The following PTGR2 variants were observed in gnomAD, a reference collection of about 807,000 sequenced individuals.
PTGR2 encodes prostaglandin reductase 2, also known as 15-oxoprostaglandin 13-reductase.
PTGR2 carries 32 observed loss-of-function variants against 43.4 expected under a neutral mutation model. The observed-to-expected ratio is 0.74, with a 90% CI of 0.56 to 0.99. The LOEUF (loss-of-function observed/expected upper bound fraction) is 0.99. Among genes scored for constraint, PTGR2 ranks in the 50% least tolerant of loss-of-function variants. The pLI, the probability that PTGR2 is intolerant of heterozygous loss-of-function variation, is 0.00. For missense variants in PTGR2, 373 were observed against 420.0 expected, an observed-to-expected ratio of 0.89 and a Z score of 0.98; for synonymous variants, 106 against 139.2, an observed-to-expected ratio of 0.76 and a Z score of 1.68.
At chr14:73,876,429 T>G (rs2054865891) in intron 4 of PTGR2, among the ~76,000 whole-genome samples, 1 of 151,750 alleles carries the variant, frequency 6.6e-6, no homozygotes, top group African/African-American at 2.4e-5. Flanking sequence ...GTCTTTCCTC[T>G]GTGGGTGTGC....
At chr14:73,857,843 G>T (rs1384002836) in intron 1 of PTGR2, among the ~76,000 whole-genome samples, 2 of 151,160 alleles carry the variant, frequency 1.3e-5, no homozygotes, top group Admixed American at 1.3e-4. Flanking sequence ...TTATTTTTTT[G>T]TATTTTTAGT....
chr14:73,879,595 C>T (rs2054936552), intron 6 of PTGR2: 3 of 360,042 alleles, frequency 8.3e-6, no homozygotes, highest in Non-Finnish European at 1.5e-5. Flanking sequence ...AATGCTGAAG[C>T]ACTGATCCCT....
rs547038894 is a variant in PTGR2 at position 73,864,232 on chromosome 14, G to A, written c.156+3575G>A. ...GGTTGTTTACACAACTTGGCTATTA[G>A]CAATACTTCTGCTATGAACATTTGT... On this transcript the variant is annotated intron_variant, in intron 3 of 9. Coordinates refer to ENST00000555661, the MANE Select transcript of PTGR2 (RefSeq NM_001146154.2). 3.3e-5 allele frequency among the ~76,000 whole-genome samples: 5 copies of A among 152,288 alleles called. No individual in the cohort carries two copies. In the East Asian group the frequency reaches 5.8e-4, roughly 18 times the overall value.
chr14:73,854,094 TA>T (rs1239591516), intron 1 of PTGR2, among the ~76,000 whole-genome samples: 1 of 152,038 alleles, frequency 6.6e-6, no homozygotes, highest in Non-Finnish European at 1.5e-5. Context: ...ATATTTTATT[TA>T]TTTTTATTAT....
intron 3 of PTGR2, among the ~76,000 whole-genome samples, chr14:73,871,463 A>G (rs1022826190): frequency 1.1e-4 from 17 of 151,228 alleles, no homozygotes; most frequent in African/African-American, 4.1e-4. Context: ...AATAAACAGT[A>G]AATGTGAGTA....
chr14:73,875,640 G>A (rs1461904619), intron 4 of PTGR2, among the ~76,000 whole-genome samples: 2 of 152,020 alleles, frequency 1.3e-5, no homozygotes, highest in Admixed American at 6.6e-5. Context: ...CACTGTACCC[G>A]GCCTGAGTTG....
chr14:73,881,772 C>CTTTTTTTT (rs57377878), intron 8 of PTGR2, among the ~76,000 whole-genome samples: 5 of 69,264 alleles, frequency 7.2e-5, no homozygotes, highest in African/African-American at 2.7e-4. Flanking sequence ...CTAGGCTATT[C>CTTTTTTTT]TTTTTTTTTT....
chr14:73,863,659 G>C (rs1433369902), intron 3 of PTGR2, among the ~76,000 whole-genome samples: 1 of 149,460 alleles, frequency 6.7e-6, no homozygotes, highest in Middle Eastern at 3.5e-3. Flanking sequence ...CTATCCCCCA[G>C]GCTGGAGTGC....
chr14:73,875,988 T>A (rs894988056), intron 4 of PTGR2, among the ~76,000 whole-genome samples: 4 of 151,452 alleles, frequency 2.6e-5, no homozygotes, highest in Admixed American at 2.0e-4. Context: ...CCTGGCTAAT[T>A]TTTTGTATTT....
intron 1 of PTGR2, among the ~76,000 whole-genome samples, chr14:73,855,539 T>TCCA (rs2054325993): frequency 1.3e-5 from 2 of 151,800 alleles, no homozygotes; most frequent in Admixed American, 1.3e-4. Context: ...CTCCACCTCT[T>TCCA]GAGTTCAAGC....
At position 73,860,645 on chromosome 14, in the gene PTGR2, G is replaced by T; in HGVS notation, c.144G>T (p.Val48=). 7.2e-7 allele frequency: 1 copy of T among 1,392,876 alleles called. No homozygotes were observed. The highest frequency in any genetic ancestry group is 1.0e-6 in the Non-Finnish European group (1 of 993,860). The allele number at this position is 1,392,876 out of a possible 1,614,324, so 86.3% of individuals were successfully genotyped here. Residue 48 remains valine, a synonymous_variant, in exon 3 of 10, where the codon GTG becomes GTT. Coordinates refer to ENST00000555661, the MANE Select transcript of PTGR2 (RefSeq NM_001146154.2). ...AAGTTAGAACTCTTTATCTTTCTGT[G>T]GATCCTTACATGGTAAGAATCAGGA... ...QVQVRTLYLS[V]DPYMRCRMNE... is the part of the protein sequence containing the mutation.
At chr14:73,878,696 C>A in intron 5 of PTGR2, 1 of 394,020 alleles carries the variant, frequency 2.5e-6, no homozygotes, top group South Asian at 2.2e-5. Flanking sequence ...AACTGGTACT[C>A]TACGGTGTAC....
chr14:73,879,008 A>T, intron 5 of PTGR2, 88 bp from the exon 6 acceptor site: 2 of 1,068,664 alleles, frequency 1.9e-6, no homozygotes, highest in Non-Finnish European at 1.4e-6. Context: ...GAACACTGTC[A>T]TATACCTGTA....
rs900051362 is a variant in PTGR2 at position 73,856,717 on chromosome 14, T to C, written c.-47-2099T>C. ...TAAACCATATCACCTAGGTGTCTAG[T>C]AATCTGTACCATGTAGGTTTGTGTA... On this transcript the variant is annotated intron_variant, in intron 1 of 9. Coordinates refer to ENST00000555661, the MANE Select transcript of PTGR2 (RefSeq NM_001146154.2). Among the ~76,000 whole-genome samples the C allele has an allele frequency of 2.6e-5, 4 of 152,234 alleles. No individual in the cohort carries two copies. In the South Asian group the frequency reaches 8.3e-4, roughly 31 times the overall value.
At chr14:73,865,061 C>G (rs182219076) in intron 3 of PTGR2, among the ~76,000 whole-genome samples, 27 of 152,242 alleles carry the variant, frequency 1.8e-4, no homozygotes, top group African/African-American at 5.8e-4. Context: ...CATGCACCCA[C>G]AGACATGCAC....
intron 6 of PTGR2, 131 bp from the exon 7 acceptor site, chr14:73,879,924 C>A: frequency 2.6e-6 from 2 of 779,642 alleles, no homozygotes; most frequent in Non-Finnish European, 4.1e-6. Context: ...ATACCTCTAA[C>A]AGGTAAATTA....
rs759562966 is a variant in PTGR2, at chr14:73,885,549, A to C, written c.*1372A>C. On this transcript the variant is annotated 3_prime_UTR_variant, in exon 10 of 10. Transcript: ENST00000555661. ...ATAAGTAGATTCAAACTGTGTTGGTAATCAGCCTCCCCAGTTTTCGTGAGT... is the reference window on the plus strand; with the variant it reads ...ATAAGTAGATTCAAACTGTGTTGGTCATCAGCCTCCCCAGTTTTCGTGAGT... The C allele has an allele frequency of 9.9e-5, 15 of 152,180 alleles. No individual in the cohort carries two copies. Among genetic ancestry groups the C allele is most frequent in the Non-Finnish European group, 2.1e-4 (14 of 68,026 alleles). The allele number at this position is 152,180 out of a possible 1,614,324, so 9.4% of individuals were successfully genotyped here.
chr14:73,853,005 A>G (rs1052081437), intron 1 of PTGR2, among the ~76,000 whole-genome samples: 25 of 151,844 alleles, frequency 1.6e-4, no homozygotes, highest in Non-Finnish European at 3.2e-4. Flanking sequence ...TATTTTTAGT[A>G]GAGCGGGGTT....
chr14:73,853,736 C>T (rs2054282770), intron 1 of PTGR2, among the ~76,000 whole-genome samples: 1 of 152,122 alleles, frequency 6.6e-6, no homozygotes, highest in Non-Finnish European at 1.5e-5. Context: ...TGCTCAGTTC[C>T]TGGCATTTAG....
Sources: allele counts gnomAD v4.1 joint callset (sites outside exome capture counted in the v4.1 genomes callset), GRCh38; gene constraint gnomAD v4.1.1; transcripts MANE v1.5; gene names NCBI Gene and HGNC (gene_info 2026-07-23, HGNC 2026-07-21).